Variants in RALGPS1 observed in about 807,000 individuals in gnomAD.
RALGPS1 encodes Ral GEF with PH domain and SH3 binding motif 1, also known as ras-specific guanine nucleotide-releasing factor RalGPS1.
Under a neutral mutation model 78.8 loss-of-function variants are expected in RALGPS1, and 19 were observed. The observed-to-expected ratio is 0.24, with a 90% CI of 0.17 to 0.35. The LOEUF (loss-of-function observed/expected upper bound fraction) is 0.35, where lower values mean the gene tolerates loss of function less well. Ranked by LOEUF, RALGPS1 falls within the 10% of genes least tolerant of loss-of-function variation. The probability of loss-of-function intolerance (pLI) is 1.00; values close to 1 mark genes in which losing one functional copy is unlikely to be tolerated. For missense variants in RALGPS1, 454 were observed against 688.3 expected, an observed-to-expected ratio of 0.66 and a Z score of 3.81; for synonymous variants, 228 against 256.3, an observed-to-expected ratio of 0.89 and a Z score of 1.06.
intron 11 of RALGPS1, among the ~76,000 whole-genome samples, chr9:127,182,372 C>T (rs112790386): frequency 0.097 from 3,141 of 32,366 alleles, 163 homozygotes; most frequent in African/African-American, 0.31. Context: ...CTTCCTTCCT[C>T]CCTCCCTCCC....
At chr9:127,210,461 GA>G (rs1220005076) in intron 14 of RALGPS1, 1 of 562,712 alleles carries the variant, frequency 1.8e-6, no homozygotes, top group East Asian at 3.0e-5. Context: ...ATAAAAAGTT[GA>G]AAGAATTACG....
intron 1 of RALGPS1, among the ~76,000 whole-genome samples, chr9:126,942,963 C>T (rs554882330): frequency 5.3e-5 from 8 of 152,138 alleles, no homozygotes; most frequent in African/African-American, 1.9e-4. Context: ...TGGGCCATTA[C>T]GCTTTCTAGC....
chr9:126,978,836 G>A (rs957846764), intron 4 of RALGPS1, among the ~76,000 whole-genome samples: 13 of 152,012 alleles, frequency 8.6e-5, no homozygotes, highest in Admixed American at 6.6e-5. Flanking sequence ...TTAAGTCACC[G>A]TCCCAGACTG....
chr9:127,043,261 G>T (rs1164018555), intron 5 of RALGPS1, among the ~76,000 whole-genome samples: 1 of 152,212 alleles, frequency 6.6e-6, no homozygotes, highest in Non-Finnish European at 1.5e-5. Flanking sequence ...ATTGGCGAAA[G>T]AATTGGCCCC....
intron 4 of RALGPS1, among the ~76,000 whole-genome samples, chr9:126,997,550 C>T (rs1481652120): frequency 1.3e-5 from 2 of 152,194 alleles, no homozygotes; most frequent in East Asian, 3.8e-4. Context: ...ACATTCCATG[C>T]TCATGGGTAG....
intron 8 of RALGPS1, among the ~76,000 whole-genome samples, chr9:127,125,119 A>G (rs1275121033): frequency 6.6e-6 from 1 of 152,178 alleles, no homozygotes; most frequent in Non-Finnish European, 1.5e-5. Flanking sequence ...CATCTGTAAA[A>G]TGGGGATGAT....
In RALGPS1 at chr9:126,947,976, T is replaced by G. The variant is rs561899631; in HGVS notation, c.-65-14249T>G. 1.6e-3 allele frequency among the ~76,000 whole-genome samples: 242 copies of G among 152,198 alleles called. 1 individual carries two copies. The highest frequency in any genetic ancestry group is 1.7e-3 in the Non-Finnish European group (115 of 68,002). ...ACAGATGACAAAAAGAGAACTACATTTTTTTTAGTGTTGTAAGGCGGGTCT... is the reference window on the plus strand; with the variant it reads ...ACAGATGACAAAAAGAGAACTACATGTTTTTTAGTGTTGTAAGGCGGGTCT... On this transcript the variant is annotated intron_variant, in intron 1 of 18. Transcript: ENST00000259351.
At chr9:127,104,999 G>C (rs2054081727) in intron 8 of RALGPS1, among the ~76,000 whole-genome samples, 1 of 152,134 alleles carries the variant, frequency 6.6e-6, no homozygotes, top group Non-Finnish European at 1.5e-5. Flanking sequence ...CGTGCAGAGA[G>C]ACCATCTGTT....
rs1666554049 is a variant in RALGPS1, at chr9:127,112,997, A to G, written c.610+43641A>G. On this transcript the variant is annotated intron_variant, in intron 8 of 18. Coordinates refer to ENST00000259351, the MANE Select transcript of RALGPS1 (RefSeq NM_014636.3). Reference sequence around the variant, plus strand: ...TGTAGGGGTAGCTGACTTTGAGGTCATGTTGCGAGCAGTGGGACCTCTTGT... The same window carrying G: ...TGTAGGGGTAGCTGACTTTGAGGTCGTGTTGCGAGCAGTGGGACCTCTTGT... Among the ~76,000 whole-genome samples the G allele has an allele frequency of 2.0e-5, 3 of 152,198 alleles. No individual in the cohort carries two copies. The South Asian group carries it at 6.2e-4, about 32-fold the overall frequency.
intron 8 of RALGPS1, among the ~76,000 whole-genome samples, chr9:127,129,843 A>G (rs977791919): frequency 3.3e-5 from 5 of 152,200 alleles, no homozygotes; most frequent in Non-Finnish European, 5.9e-5. Flanking sequence ...ATCCTGGCTC[A>G]GAGGCCTGCA....
chr9:127,147,223 T>C (rs74803222), intron 8 of RALGPS1, among the ~76,000 whole-genome samples: 1 of 152,106 alleles, frequency 6.6e-6, no homozygotes, highest in African/African-American at 2.4e-5. Context: ...TTTAATGGGG[T>C]TATTTGATTT....
intron 8 of RALGPS1, chr9:127,092,072 A>G: frequency 1.9e-6 from 2 of 1,062,916 alleles, no homozygotes; most frequent in Non-Finnish European, 2.7e-6. Flanking sequence ...CCTGGTTCAG[A>G]CCCCTACTCC....
At chr9:127,002,333 A>G (rs1313338532) in intron 4 of RALGPS1, among the ~76,000 whole-genome samples, 5 of 151,150 alleles carry the variant, frequency 3.3e-5, no homozygotes, top group Non-Finnish European at 4.4e-5. Context: ...TATTCCATTC[A>G]TTGTATGAGT....
chr9:126,970,774 T>C (rs1269451146), intron 3 of RALGPS1, among the ~76,000 whole-genome samples: 1 of 152,172 alleles, frequency 6.6e-6, no homozygotes, highest in East Asian at 1.9e-4. Flanking sequence ...GGAAAACTAA[T>C]TTTGCATAAA....
intron 10 of RALGPS1, among the ~76,000 whole-genome samples, chr9:127,174,265 AAGAG>A (rs1194767469): frequency 1.1e-4 from 17 of 148,780 alleles, no homozygotes; most frequent in Admixed American, 3.3e-4. Context: ...AAGAAAGAAA[AAGAG>A]AGAGAGAGAA....
intron 18 of RALGPS1, among the ~76,000 whole-genome samples, chr9:127,215,802 C>G (rs1375407613): frequency 4.6e-5 from 7 of 152,368 alleles, no homozygotes; most frequent in African/African-American, 1.7e-4. Flanking sequence ...GTGGGCAGCA[C>G]TGATGCTCCT....
At chr9:127,036,989 T>G (rs2046916969) in intron 5 of RALGPS1, among the ~76,000 whole-genome samples, 1 of 152,216 alleles carries the variant, frequency 6.6e-6, no homozygotes, top group South Asian at 2.1e-4. Context: ...GGCCTGGGTG[T>G]GAGTCTTATC....
chr9:126,922,328 A>G (rs1230707252), intron 1 of RALGPS1, among the ~76,000 whole-genome samples: 1 of 152,246 alleles, frequency 6.6e-6, no homozygotes, highest in African/African-American at 2.4e-5. Context: ...TTGACATCAT[A>G]GGTTTCTTTT....
intron 8 of RALGPS1, among the ~76,000 whole-genome samples, chr9:127,074,374 T>C (rs2050495286): frequency 6.6e-6 from 1 of 152,232 alleles, no homozygotes; most frequent in South Asian, 2.1e-4. Flanking sequence ...TGTTTTCTTC[T>C]TTGGCTTACC....
Sources: allele counts gnomAD v4.1 joint callset (sites outside exome capture counted in the v4.1 genomes callset), GRCh38; gene constraint gnomAD v4.1.1; transcripts MANE v1.5; gene names NCBI Gene and HGNC (gene_info 2026-07-23, HGNC 2026-07-21).